The following APIP variants were observed in gnomAD, a reference collection of about 807,000 sequenced individuals.
APIP encodes the protein APAF1 interacting protein, also known as methylthioribulose-1-phosphate dehydratase.
In APIP, 32 loss-of-function variants were observed where a neutral mutation model predicts 32.0. That is an observed-to-expected ratio of 1.00 (90% CI 0.76 to 1.34). The LOEUF is 1.34. Among genes scored for constraint, APIP ranks in the 40% most tolerant of loss-of-function variants. APIP has a pLI of 0.00. For synonymous variants in APIP, 92 were observed against 94.8 expected (o/e 0.97, Z 0.17); for missense variants, 247 against 298.6 (o/e 0.83, Z 1.27).
At chr11:34,883,221 T>G in intron 6 of APIP, 116 bp downstream of exon 6, 1 of 1,130,344 alleles carries the variant, frequency 8.8e-7, no homozygotes. Context: ...ATAATAAAAA[T>G]AAAGTATCTA....
intron 1 of APIP, among the ~76,000 whole-genome samples, chr11:34,905,303 C>T (rs987760791): frequency 2.6e-4 from 37 of 142,858 alleles, no homozygotes; most frequent in African/African-American, 7.8e-4. Flanking sequence ...ATTTGTACAA[C>T]AAGACTAATT....
intron 1 of APIP, among the ~76,000 whole-genome samples, chr11:34,911,726 T>C (rs1452363156): frequency 1.3e-5 from 2 of 152,206 alleles, no homozygotes; most frequent in Non-Finnish European, 2.9e-5. Context: ...ACAGGGCATA[T>C]GCTGGCCCTA....
chr11:34,909,187 G>A (rs1282506410), intron 1 of APIP, among the ~76,000 whole-genome samples: 1 of 152,078 alleles, frequency 6.6e-6, no homozygotes, highest in Non-Finnish European at 1.5e-5. Context: ...ACTCCCAAGT[G>A]TGTGGTCAGC....
At chr11:34,891,982 G>C (rs1457250653) in intron 2 of APIP, among the ~76,000 whole-genome samples, 1 of 152,096 alleles carries the variant, frequency 6.6e-6, no homozygotes, top group Non-Finnish European at 1.5e-5. Flanking sequence ...CCTGGGAATA[G>C]ACTCAAATAA....
At chr11:34,901,164 A>T (rs561305025) in intron 1 of APIP, among the ~76,000 whole-genome samples, 3 of 152,136 alleles carry the variant, frequency 2.0e-5, no homozygotes, top group Non-Finnish European at 4.4e-5. Context: ...CAGAGGCTCT[A>T]GTAGCAGTGG....
chr11:34,913,424 T>C (rs1006696949), intron 1 of APIP, among the ~76,000 whole-genome samples: 16 of 152,188 alleles, frequency 1.1e-4, no homozygotes, highest in Non-Finnish European at 1.8e-4. Context: ...GTTTCTTCCT[T>C]CTGGTGGGTT....
intron 5 of APIP, among the ~76,000 whole-genome samples, chr11:34,887,761 G>A (rs1397038340): frequency 1.3e-5 from 2 of 151,956 alleles, no homozygotes; most frequent in Non-Finnish European, 2.9e-5. Context: ...CACTTTTGTG[G>A]ACTGATGAAT....
At chr11:34,890,475 A>G (rs1853168130) in intron 3 of APIP, 29 bp downstream of exon 3, 1 of 1,586,110 alleles carries the variant, frequency 6.3e-7, no homozygotes, top group South Asian at 1.2e-5. Context: ...AAGAAAAGAC[A>G]CTGAGGTTAA....
At chr11:34,911,800 T>C (rs1442517187) in intron 1 of APIP, among the ~76,000 whole-genome samples, 1 of 152,204 alleles carries the variant, frequency 6.6e-6, no homozygotes, top group Non-Finnish European at 1.5e-5. Flanking sequence ...AAGTCTTCCA[T>C]GAGTCACTGT....
At chr11:34,907,228 A>C (rs1853474009) in intron 1 of APIP, among the ~76,000 whole-genome samples, 1 of 152,196 alleles carries the variant, frequency 6.6e-6, no homozygotes, top group Admixed American at 6.5e-5. Flanking sequence ...ATGCCTGTAT[A>C]ATTTGCTACT....
intron 2 of APIP, among the ~76,000 whole-genome samples, chr11:34,891,651 T>G (rs962930967): frequency 6.6e-6 from 1 of 152,178 alleles, no homozygotes; most frequent in Non-Finnish European, 1.5e-5. Flanking sequence ...AAGGTTCCAC[T>G]GATAAAGTCT....
intron 2 of APIP, among the ~76,000 whole-genome samples, chr11:34,894,552 G>A (rs546541498): frequency 6.6e-6 from 1 of 151,882 alleles, no homozygotes; most frequent in Admixed American, 6.6e-5. Flanking sequence ...AGGAGGATGA[G>A]GTAGGAGGAT....
chr11:34,915,941 G>A lies in APIP; in HGVS notation c.57+287C>T, dbSNP rs1018892724. 4.9e-5 allele frequency: 26 copies of A among 527,296 alleles called. No homozygotes were observed. In the African/African-American group the frequency reaches 5.1e-4, roughly 10 times the overall value. 32.7% of individuals were successfully genotyped at this position (527,296 alleles called of 1,614,324 possible). A position where few individuals can be genotyped will look rare whatever the true frequency, so the allele number is the denominator to read the frequency against. On this transcript the variant is annotated intron_variant, in intron 1 of 6. Transcript: ENST00000395787. Reference sequence around the variant, plus strand: ...CCTGCCTTCCTGATAAATACCCGGTGAGGTCACCTAAACGCTCTCCTCTCT... The same window carrying A: ...CCTGCCTTCCTGATAAATACCCGGTAAGGTCACCTAAACGCTCTCCTCTCT...
intron 1 of APIP, among the ~76,000 whole-genome samples, chr11:34,914,730 G>A (rs1853628502): frequency 6.6e-6 from 1 of 152,170 alleles, no homozygotes; most frequent in African/African-American, 2.4e-5. Context: ...TTGGCAGGGC[G>A]TGGTGGCTTA....
intron 1 of APIP, among the ~76,000 whole-genome samples, chr11:34,901,920 G>T (rs989783909): frequency 1.3e-5 from 2 of 152,110 alleles, no homozygotes; most frequent in Non-Finnish European, 2.9e-5. Flanking sequence ...GCTAGAAGCC[G>T]TTATTAATAA....
intron 1 of APIP, among the ~76,000 whole-genome samples, chr11:34,909,477 A>T (rs192173557): frequency 6.6e-6 from 1 of 152,304 alleles, no homozygotes; most frequent in East Asian, 1.9e-4. Context: ...CTCTCTGAGC[A>T]GGTGGCATTT....
chr11:34,900,685 G>T (rs896235195), intron 1 of APIP, among the ~76,000 whole-genome samples: 10 of 152,062 alleles, frequency 6.6e-5, no homozygotes, highest in African/African-American at 2.4e-4. Flanking sequence ...GAGACAAAGA[G>T]GAGATAGGGA....
intron 1 of APIP, 86 bp downstream of exon 1, chr11:34,916,142 C>G (rs1853679580): frequency 6.5e-6 from 10 of 1,527,062 alleles, no homozygotes; most frequent in Non-Finnish European, 8.8e-6. Flanking sequence ...ACGCCCGGCC[C>G]GCTACCCTGC....
In APIP at chr11:34,888,140, G is replaced by A. The variant is rs535435456; in HGVS notation, c.461+153C>T. Among the ~76,000 whole-genome samples the A allele has an allele frequency of 4.6e-5, 7 of 152,220 alleles. No individual in the cohort carries two copies. The South Asian group carries it at 1.0e-3, about 23-fold the overall frequency. ...AGGGAAGACATCCCATTCGTGTCAT[G>A]AGAATAGGTCTAGAAGTGTAATATT... On this transcript the variant is annotated intron_variant, in intron 5 of 6. Transcript: ENST00000395787.
Sources: gnomAD v4.1 joint callset for allele counts (sites outside exome capture counted in the v4.1 genomes callset) on GRCh38, gnomAD v4.1.1 for gene constraint, MANE v1.5 for transcripts, NCBI Gene and HGNC (gene_info 2026-07-23, HGNC 2026-07-21) for gene names.